The following DNAI3 variants were observed in gnomAD, a reference collection of about 807,000 sequenced individuals.
The protein encoded by DNAI3 is WD repeat domain 63.
Under a neutral mutation model 115.5 loss-of-function variants are expected in DNAI3, and 83 were observed. The observed-to-expected ratio is 0.72, with a 90% CI of 0.60 to 0.86. DNAI3 has a LOEUF of 0.86. Among genes scored for constraint, DNAI3 ranks in the 40% least tolerant of loss-of-function variants. The pLI, the probability that DNAI3 is intolerant of heterozygous loss-of-function variation, is 0.00. For missense variants in DNAI3, 1,004 were observed against 1,075.8 expected, an observed-to-expected ratio of 0.93 and a Z score of 0.93; for synonymous variants, 320 against 347.0, an observed-to-expected ratio of 0.92 and a Z score of 0.86.
At position 85,084,692 on chromosome 1, in the gene DNAI3, G is replaced by A. The variant is rs1230947291; in HGVS notation, c.537G>A (p.Lys179=). 6.6e-7 allele frequency: 1 copy of A among 1,515,586 alleles called. No homozygotes were observed. Among genetic ancestry groups the A allele is most frequent in the Non-Finnish European group, 8.8e-7 (1 of 1,130,504 alleles). 93.9% of individuals were successfully genotyped at this position (1,515,586 alleles called of 1,614,324 possible). Reference sequence around the variant, plus strand: ...AAGAATCAGTTACGGAATCTACAAAGCAGGTTAGAGGGTTATATATGATCT... The same window carrying A: ...AAGAATCAGTTACGGAATCTACAAAACAGGTTAGAGGGTTATATATGATCT... ...IEEESVTEST[K]QITYMISRKR... The change falls in exon 6 of 23, where the codon AAG becomes AAA. Residue 179 remains lysine, a synonymous_variant. Coordinates refer to ENST00000294664, the MANE Select transcript of DNAI3 (RefSeq NM_145172.5).
rs539727425 is a variant in DNAI3 at position 85,096,498 on chromosome 1, T to TTATA, written c.1263+483_1263+486dup. ...GATAGATTATATATATATATAAAGATTATATATAAAGATTATATATAAAGA... is the reference window on the plus strand; with the variant it reads ...GATAGATTATATATATATATAAAGATTATATATATATAAAGATTATATATAAAGA... On this transcript the variant is annotated intron_variant, in intron 11 of 22. Coordinates refer to ENST00000294664, the MANE Select transcript of DNAI3 (RefSeq NM_145172.5). Among the ~76,000 whole-genome samples, 408 of 140,346 alleles carry TTATA rather than the reference T, an allele frequency of 2.9e-3. 1 individual carries two copies. The highest frequency in any genetic ancestry group is 0.01 in the African/African-American group (389 of 38,256). 92.1% of individuals were successfully genotyped at this position (140,346 alleles called of 152,430 possible).
At chr1:85,096,229 C>G (rs1383233556) in intron 11 of DNAI3, among the ~76,000 whole-genome samples, 1 of 152,048 alleles carries the variant, frequency 6.6e-6, no homozygotes, top group Non-Finnish European at 1.5e-5. Context: ...AACCCAGCTT[C>G]AAAACTGAAA....
chr1:85,121,864 A>G, intron 18 of DNAI3, 50 bp downstream of exon 18: 1 of 1,589,864 alleles, frequency 6.3e-7, no homozygotes, highest in Non-Finnish European at 8.6e-7. Context: ...TTTTAATTTA[A>G]ACTACCCAAA....
intron 17 of DNAI3, among the ~76,000 whole-genome samples, chr1:85,118,791 G>A (rs1464514900): frequency 6.6e-6 from 1 of 152,128 alleles, no homozygotes; most frequent in Non-Finnish European, 1.5e-5. Flanking sequence ...ATTCCGATAG[G>A]AAGAAGGAGG....
chr1:85,094,186 C>A (rs955825155), intron 9 of DNAI3: 26 of 526,980 alleles, frequency 4.9e-5, no homozygotes, highest in Non-Finnish European at 8.4e-5. Context: ...CTTCCAAAAT[C>A]TTCTGAGTCC....
intron 7 of DNAI3, among the ~76,000 whole-genome samples, chr1:85,087,661 G>GCATA (rs1654841265): frequency 6.6e-6 from 1 of 151,946 alleles, no homozygotes; most frequent in Non-Finnish European, 1.5e-5. Flanking sequence ...ACAGTTCCTG[G>GCATA]CATATATTTA....
At chr1:85,085,497 G>C (rs1424768995) in intron 6 of DNAI3, among the ~76,000 whole-genome samples, 1 of 152,196 alleles carries the variant, frequency 6.6e-6, no homozygotes, top group African/African-American at 2.4e-5. Flanking sequence ...AACCCAAAGA[G>C]GTACTCTGAG....
intron 21 of DNAI3, among the ~76,000 whole-genome samples, chr1:85,129,098 T>C (rs1448631446): frequency 6.6e-6 from 1 of 151,864 alleles, no homozygotes; most frequent in South Asian, 2.1e-4. Context: ...AAGTGTGGGG[T>C]GCTGATTTCA....
intron 3 of DNAI3, among the ~76,000 whole-genome samples, chr1:85,075,721 A>T (rs1023720251): frequency 1.3e-5 from 2 of 152,212 alleles, no homozygotes; most frequent in African/African-American, 4.8e-5. Context: ...GAGAATAAAT[A>T]TAATTTTTAC....
intron 8 of DNAI3, among the ~76,000 whole-genome samples, chr1:85,093,221 G>C (rs961735952): frequency 6.6e-6 from 1 of 152,172 alleles, no homozygotes; most frequent in African/African-American, 2.4e-5. Flanking sequence ...GTACAGCCTT[G>C]GCTTGGAAAC....
At chr1:85,093,801 C>T (rs1655050160) in intron 9 of DNAI3, 153 bp downstream of exon 9, 1 of 862,518 alleles carries the variant, frequency 1.2e-6, no homozygotes, top group Non-Finnish European at 1.9e-6. Context: ...TCCACGCCCT[C>T]ACTGTCATGT....
chr1:85,086,790 C>T (rs942994797), intron 7 of DNAI3, among the ~76,000 whole-genome samples: 2 of 152,008 alleles, frequency 1.3e-5, no homozygotes, highest in African/African-American at 2.4e-5. Context: ...CTTCCTCTAG[C>T]CATCCTTTCT....
intron 3 of DNAI3, among the ~76,000 whole-genome samples, chr1:85,078,505 T>A (rs757186493): frequency 6.6e-6 from 1 of 152,176 alleles, no homozygotes; most frequent in African/African-American, 2.4e-5. Context: ...TGTTTTACAC[T>A]CCTTGGAGCA....
At position 85,090,157 on chromosome 1, in the gene DNAI3, A is replaced by G. The variant is rs778660047; in HGVS notation, c.782A>G (p.Glu261Gly). Residue 261 changes from glutamate to glycine, a missense_variant, in exon 8 of 23, where the codon GAA (glutamate) becomes GGA (glycine). Glu to Gly is a moderately conservative substitution (Grantham distance 98). This residue lies in a region of DNAI3 where 550 missense variants were observed against 568.1 expected (regional missense o/e 0.97). Coordinates refer to ENST00000294664, the MANE Select transcript of DNAI3 (RefSeq NM_145172.5). ...GCTACTACGCAATATTATCCAAGAGAATTCTCAGAAGAGGAAAAAGAGACA... is the reference window on the plus strand; with the variant it reads ...GCTACTACGCAATATTATCCAAGAGGATTCTCAGAAGAGGAAAAAGAGACA... Reference protein sequence around the residue: ...KNATTQYYPREFSEEEKETLK... With the variant: ...KNATTQYYPRGFSEEEKETLK... 5 of 1,590,322 alleles carry G rather than the reference A, an allele frequency of 3.1e-6. No individual in the cohort carries two copies. In the African/African-American group the frequency reaches 5.4e-5, roughly 17 times the overall value.
At chr1:85,124,979 G>T (rs1251609045) in intron 19 of DNAI3, among the ~76,000 whole-genome samples, 5 of 152,132 alleles carry the variant, frequency 3.3e-5, no homozygotes, top group Admixed American at 2.6e-4. Context: ...TAAGCTGAGG[G>T]TATGTCAGCA....
chr1:85,098,551 G>T lies in DNAI3; in HGVS notation c.1372G>T (p.Glu458Ter). 6.2e-7 allele frequency: 1 copy of T among 1,611,976 alleles called. No homozygotes were observed. Among genetic ancestry groups the T allele is most frequent in the Non-Finnish European group, 8.5e-7 (1 of 1,179,382 alleles). ...TLKPMFLLEP[E>*]SNKEAMYIRH... The stretch of plus-strand genomic sequence containing the variant: ...TCAGCCTATGTTTCTCCTTGAACCG[G>T]AGAGTAATAAAGAAGCAATGTATAT... The change falls in exon 13 of 23, where the codon GAG becomes TAG. Residue 458 changes from glutamate (E) to a stop codon, truncating the protein, a stop_gained. Transcript: ENST00000294664. LOFTEE classifies it high-confidence loss of function.
At chr1:85,078,387 G>A (rs1654528857) in intron 3 of DNAI3, among the ~76,000 whole-genome samples, 1 of 152,252 alleles carries the variant, frequency 6.6e-6, no homozygotes, top group Admixed American at 6.5e-5. Flanking sequence ...GCCTGGAGCA[G>A]TAGGTGCACC....
At position 85,130,027 on chromosome 1, in the gene DNAI3, A is replaced by G; in HGVS notation, c.2447A>G (p.Lys816Arg). 2 of 1,613,460 alleles carry G rather than the reference A, an allele frequency of 1.2e-6. No individual in the cohort carries two copies. The highest frequency in any genetic ancestry group is 1.7e-6 in the Non-Finnish European group (2 of 1,179,700). ...AACCACTATTTTGAAAGAGAAGTCA[A>G]GCATCTGGAATACGTAGAACAGCGC... ...SVNHYFEREV[K>R]HLEYVEQRKK... is the part of the protein sequence containing the mutation. Residue 816 changes from lysine to arginine, a missense_variant, in exon 22 of 23, where the codon AAG becomes AGG. Physicochemically the swap from Lys to Arg is conservative, Grantham distance 26 (BLOSUM62 2). This residue lies in a region of DNAI3 where 429 missense variants were observed against 454.3 expected (regional missense o/e 0.94). Transcript: ENST00000294664.
intron 16 of DNAI3, 45 bp from the exon 17 acceptor site, chr1:85,117,684 T>A (rs763436449): frequency 4.4e-6 from 7 of 1,596,642 alleles, no homozygotes; most frequent in Non-Finnish European, 6.0e-6. Context: ...TTAAAAGATG[T>A]TTCCCTGTAA....
Sources: gnomAD v4.1 joint callset for allele counts (sites outside exome capture counted in the v4.1 genomes callset) on GRCh38, gnomAD v4.1.1 for gene constraint, gnomAD v4.1.1 regional missense constraint, MANE v1.5 for transcripts, NCBI Gene and HGNC (gene_info 2026-07-23, HGNC 2026-07-21) for gene names.